The following HDLBP variants were observed in gnomAD, a reference collection of about 807,000 sequenced individuals.
HDLBP encodes high density lipoprotein binding protein.
A neutral mutation model predicts 137.3 loss-of-function variants in HDLBP; 30 were observed. The observed-to-expected ratio is 0.22, with a 90% CI of 0.16 to 0.30. The LOEUF is 0.30. Among genes scored for constraint, HDLBP ranks in the 10% least tolerant of loss-of-function variants. The probability of loss-of-function intolerance (pLI) is 1.00; values close to 1 mark genes in which losing one functional copy is unlikely to be tolerated. For synonymous variants in HDLBP, 606 were observed against 596.0 expected (o/e 1.02, Z -0.24); for missense variants, 1,119 against 1,667.3 (o/e 0.67, Z 5.73).
At chr2:241,295,186 G>GT (rs2075133062) in intron 1 of HDLBP, among the ~76,000 whole-genome samples, 1 of 152,132 alleles carries the variant, frequency 6.6e-6, no homozygotes, top group African/African-American at 2.4e-5. Context: ...AATTCAGCAT[G>GT]TATTATTTAC....
chr2:241,305,839 A>C (rs893028914), intron 1 of HDLBP, among the ~76,000 whole-genome samples: 2 of 149,074 alleles, frequency 1.3e-5, no homozygotes, highest in African/African-American at 5.0e-5. Context: ...GGCTCACTGC[A>C]AAGTTCCGCC....
rs2070529585 is a variant in HDLBP, at chr2:241,236,782, G to A, written c.2750-13C>T. ...TCTGTACTGTGAACTAGAGAGAAAG[G>A]GGAAAAGGGACAGCTGACAGCTGCT... On this transcript the variant is annotated splice_polypyrimidine_tract_variant and intron_variant, in intron 20 of 27. Coordinates refer to ENST00000310931, the MANE Select transcript of HDLBP (RefSeq NM_005336.6). 2.5e-6 allele frequency: 4 copies of A among 1,613,086 alleles called. No individual in the cohort carries two copies. Among genetic ancestry groups the A allele is most frequent in the Admixed American group, 3.3e-5 (2 of 59,874 alleles).
chr2:241,307,241 G>C (rs4496329), intron 1 of HDLBP, among the ~76,000 whole-genome samples: 1 of 152,162 alleles, frequency 6.6e-6, no homozygotes, highest in Non-Finnish European at 1.5e-5. Flanking sequence ...CTACAACAGA[G>C]GGAAAAGGCA....
rs1559471314 is a variant in HDLBP, at chr2:241,230,984, C to A, written c.3289-40G>T. On this transcript the variant is annotated intron_variant, in intron 24 of 27. Coordinates refer to ENST00000310931, the MANE Select transcript of HDLBP (RefSeq NM_005336.6). The surrounding 1 kb of genome is among the most constrained non-coding windows in gnomAD (Gnocchi z 5.0). ...TGTAGTCAGAAAAGGGGATGCCTTACTGGGATTCCCGTCAGGGGCAAGAGC... is the reference window on the plus strand; with the variant it reads ...TGTAGTCAGAAAAGGGGATGCCTTAATGGGATTCCCGTCAGGGGCAAGAGC... 7.0e-6 allele frequency: 11 copies of A among 1,567,434 alleles called. No homozygotes were observed. Among genetic ancestry groups the A allele is most frequent in the Middle Eastern group, 1.7e-4 (1 of 5,910 alleles).
intron 24 of HDLBP, among the ~76,000 whole-genome samples, chr2:241,232,094 G>GC (rs1165068289): frequency 6.6e-6 from 1 of 152,140 alleles, no homozygotes; most frequent in Non-Finnish European, 1.5e-5. Context: ...GGAGGCAGCA[G>GC]CCCCACCCAC....
At chr2:241,235,730 C>A (rs1027580414) in intron 21 of HDLBP, 136 bp from the exon 22 acceptor site, 2 of 622,696 alleles carry the variant, frequency 3.2e-6, no homozygotes, top group African/African-American at 1.8e-5. Flanking sequence ...GACAATGCCA[C>A]CAGGACCTTT....
intron 9 of HDLBP, among the ~76,000 whole-genome samples, chr2:241,253,775 G>A (rs909146699): frequency 6.6e-6 from 1 of 152,156 alleles, no homozygotes; most frequent in South Asian, 2.1e-4. Context: ...TGCGACATGC[G>A]ACATGCTCCT....
At chr2:241,262,089 T>A (rs527871661) in intron 5 of HDLBP, among the ~76,000 whole-genome samples, 2 of 152,348 alleles carry the variant, frequency 1.3e-5, no homozygotes, top group Non-Finnish European at 2.9e-5. Context: ...CAAATGTTCT[T>A]AAATAAAGTC....
intron 3 of HDLBP, among the ~76,000 whole-genome samples, chr2:241,265,938 A>C (rs1242390258): frequency 1.3e-5 from 2 of 152,206 alleles, no homozygotes; most frequent in Non-Finnish European, 2.9e-5. Flanking sequence ...CAGCCACCAG[A>C]AATGAGCTTC....
At position 241,230,965 on chromosome 2, in the gene HDLBP, C is replaced by T; in HGVS notation, c.3289-21G>A. 1.2e-6 allele frequency: 2 copies of T among 1,605,818 alleles called. No homozygotes were observed. Among genetic ancestry groups the T allele is most frequent in the Non-Finnish European group, 1.7e-6 (2 of 1,172,872 alleles). On this transcript the variant is annotated intron_variant, in intron 24 of 27. Coordinates refer to ENST00000310931, the MANE Select transcript of HDLBP (RefSeq NM_005336.6). The surrounding 1 kb of genome is among the most constrained non-coding windows in gnomAD (Gnocchi z 5.0). ...TGGGGCTAAAAAAGGAGAATGTAGTCAGAAAAGGGGATGCCTTACTGGGAT... is the reference window on the plus strand; with the variant it reads ...TGGGGCTAAAAAAGGAGAATGTAGTTAGAAAAGGGGATGCCTTACTGGGAT...
rs751190176 is a variant in HDLBP, at chr2:241,239,867, C to T, written c.2391+34G>A. ...GAAGATAAGCCACCCCATCACGGCC[C>T]CAGCAGAGTCGGCCGCCGAGGCCCG... is the stretch of plus-strand genomic sequence containing the variant. On this transcript the variant is annotated intron_variant, in intron 18 of 27. Coordinates refer to ENST00000310931, the MANE Select transcript of HDLBP (RefSeq NM_005336.6). The surrounding 1 kb of genome is among the most constrained non-coding windows in gnomAD (Gnocchi z 4.6). 3.1e-6 allele frequency: 5 copies of T among 1,612,212 alleles called. No individual in the cohort carries two copies. Among genetic ancestry groups the T allele is most frequent in the Non-Finnish European group, 4.2e-6 (5 of 1,178,434 alleles).
chr2:241,239,869 A>T lies in HDLBP; in HGVS notation c.2391+32T>A. ...AGATAAGCCACCCCATCACGGCCCC[A>T]GCAGAGTCGGCCGCCGAGGCCCGCT... is the stretch of plus-strand genomic sequence containing the variant. On this transcript the variant is annotated intron_variant, in intron 18 of 27. Coordinates refer to ENST00000310931, the MANE Select transcript of HDLBP (RefSeq NM_005336.6). The surrounding 1 kb of genome is among the most constrained non-coding windows in gnomAD (Gnocchi z 4.6). 1 of 1,612,354 alleles carries T rather than the reference A, an allele frequency of 6.2e-7. No individual in the cohort carries two copies. Among genetic ancestry groups the T allele is most frequent in the Non-Finnish European group, 8.5e-7 (1 of 1,178,512 alleles).
At chr2:241,296,498 C>A (rs192204013) in intron 1 of HDLBP, among the ~76,000 whole-genome samples, 1 of 152,294 alleles carries the variant, frequency 6.6e-6, no homozygotes, top group East Asian at 1.9e-4. Context: ...TTATTTGACC[C>A]TATCAGAGCA....
Position 241,240,833 on chromosome 2 carries a change from G to A in HDLBP, c.2170-711C>T, listed in dbSNP as rs980478568. On this transcript the variant is annotated intron_variant, in intron 17 of 27. Transcript: ENST00000310931. This position sits in a 1 kb window ranked among gnomAD's most constrained non-coding sequence, Gnocchi z 5.5. Reference sequence around the variant, plus strand: ...TCTGGCAGACCCACGCAGGGGCCCCGAGAAGGGCGCTGCTCCACGGGACTC... The same window carrying A: ...TCTGGCAGACCCACGCAGGGGCCCCAAGAAGGGCGCTGCTCCACGGGACTC... 8.5e-5 allele frequency among the ~76,000 whole-genome samples: 13 copies of A among 152,152 alleles called. No individual in the cohort carries two copies. Among genetic ancestry groups the A allele is most frequent in the Admixed American group, 1.3e-4 (2 of 15,266 alleles).
intron 11 of HDLBP, chr2:241,250,922 C>T (rs1437706949): frequency 4.6e-5 from 7 of 151,972 alleles, no homozygotes; most frequent in Admixed American, 3.3e-4. Context: ...TGCAATTTCT[C>T]GGGGGCAGAA....
chr2:241,282,689 T>C (rs990226935), intron 1 of HDLBP, among the ~76,000 whole-genome samples: 2 of 152,218 alleles, frequency 1.3e-5, no homozygotes, highest in African/African-American at 4.8e-5. Context: ...TGATCTGTAA[T>C]CCTTGATGTT....
chr2:241,274,299 G>A (rs754636356), intron 1 of HDLBP, among the ~76,000 whole-genome samples: 7 of 152,156 alleles, frequency 4.6e-5, no homozygotes, highest in Admixed American at 1.3e-4. Context: ...GAACACCTGC[G>A]GCTTGACGCA....
intron 1 of HDLBP, among the ~76,000 whole-genome samples, chr2:241,309,134 C>T (rs936538178): frequency 1.3e-5 from 2 of 152,320 alleles, no homozygotes; most frequent in Middle Eastern, 6.8e-3. Context: ...AGCAAGGCCT[C>T]CCCACTATGC....
chr2:241,253,551 CCT>C (rs1436461934), intron 9 of HDLBP, 54 bp from the exon 10 acceptor site: 20 of 1,252,642 alleles, frequency 1.6e-5, no homozygotes, highest in South Asian at 2.4e-5. Context: ...AGCTGCAGCC[CCT>C]GAGCTCCCAG....
Sources: allele counts gnomAD v4.1 joint callset (sites outside exome capture counted in the v4.1 genomes callset), GRCh38; gene constraint gnomAD v4.1.1; non-coding constraint Gnocchi (gnomAD v3.1); transcripts MANE v1.5; gene names NCBI Gene and HGNC (gene_info 2026-07-23, HGNC 2026-07-21).